The following CNTNAP2 variants were observed in gnomAD, a reference collection of about 807,000 sequenced individuals.
The protein encoded by CNTNAP2 is contactin-associated protein-like 2.
CNTNAP2 carries 98 observed loss-of-function variants against 155.2 expected under a neutral mutation model. That is an observed-to-expected ratio of 0.63 (90% CI 0.54 to 0.75). The LOEUF (loss-of-function observed/expected upper bound fraction) is 0.75. CNTNAP2 is among the 30% of genes least tolerant of loss of function. CNTNAP2 has a pLI of 0.00. For missense variants in CNTNAP2, 1,727 were observed against 1,688.1 expected (o/e 1.02, Z -0.40); for synonymous variants, 651 against 631.2 (o/e 1.03, Z -0.47).
At position 147,128,700 on chromosome 7, in the gene CNTNAP2, T is replaced by G. The variant is rs767425362; in HGVS notation, c.947T>G (p.Phe316Cys). 9 of 1,614,020 alleles carry G rather than the reference T, an allele frequency of 5.6e-6. 1 individual carries two copies. In the South Asian group the frequency reaches 9.9e-5, roughly 18 times the overall value. ...AATTTCTTTTTCTCAAAGATAACCT[T>G]TGGAGGCATCCCTTTCTCTGGCAAG... is the stretch of plus-strand genomic sequence containing the variant. ...DYLDLDYEITFGGIPFSGKPS... is the reference protein window; with the variant it reads ...DYLDLDYEITCGGIPFSGKPS... The change falls in exon 7 of 24, where the codon TTT (phenylalanine) becomes TGT (cysteine). Residue 316 changes from phenylalanine (F) to cysteine (C), a missense_variant. Physicochemically the swap from Phe to Cys is radical, Grantham distance 205 (BLOSUM62 -2). Coordinates refer to ENST00000361727, the MANE Select transcript of CNTNAP2 (RefSeq NM_014141.6).
At chr7:146,533,593 A>G (rs1339126695) in intron 1 of CNTNAP2, among the ~76,000 whole-genome samples, 2 of 152,150 alleles carry the variant, frequency 1.3e-5, no homozygotes, top group Admixed American at 1.3e-4. Context: ...GGAACATGAT[A>G]AGATTTGTGT....
intron 1 of CNTNAP2, among the ~76,000 whole-genome samples, chr7:146,728,972 G>T (rs59272587): frequency 6.6e-6 from 1 of 152,162 alleles, no homozygotes; most frequent in African/African-American, 2.4e-5. Context: ...CTGAGAGGTG[G>T]CTACTTGATA....
At chr7:146,532,270 A>G (rs924590502) in intron 1 of CNTNAP2, among the ~76,000 whole-genome samples, 2 of 152,134 alleles carry the variant, frequency 1.3e-5, no homozygotes, top group Non-Finnish European at 2.9e-5. Context: ...GTAGTATTCT[A>G]CAGAATATGC....
intron 1 of CNTNAP2, among the ~76,000 whole-genome samples, chr7:146,752,122 A>T: frequency 6.6e-6 from 1 of 152,136 alleles, no homozygotes; most frequent in East Asian, 1.9e-4. Flanking sequence ...ATGATTTATC[A>T]TCCTTTGGGT....
intron 1 of CNTNAP2, among the ~76,000 whole-genome samples, chr7:146,706,327 C>T (rs183835875): frequency 2.3e-3 from 350 of 152,116 alleles, no homozygotes; most frequent in Non-Finnish European, 3.9e-3. Flanking sequence ...CCCAATGAGA[C>T]AGTTAGGCAT....
At chr7:147,723,485 A>G (rs1476469102) in intron 13 of CNTNAP2, among the ~76,000 whole-genome samples, 2 of 152,040 alleles carry the variant, frequency 1.3e-5, no homozygotes, top group African/African-American at 4.8e-5. Flanking sequence ...TATTAAGTTC[A>G]TCTTCATCGG....
Position 147,189,205 on chromosome 7 carries a change from A to G in CNTNAP2, c.1348+56696A>G, listed in dbSNP as rs1285611603. 3.5e-4 allele frequency among the ~76,000 whole-genome samples: 54 copies of G among 152,228 alleles called. 1 individual carries two copies. Among genetic ancestry groups the G allele is most frequent in the Non-Finnish European group, 1.2e-4 (8 of 68,044 alleles). On this transcript the variant is annotated intron_variant, in intron 8 of 23. Transcript: ENST00000361727. ...TTAAGAATTAGAAAATCTAAAGGAC[A>G]AAATTTTATATTATAAAACTATACA...
chr7:146,864,081 G>T (rs545810536), intron 3 of CNTNAP2, among the ~76,000 whole-genome samples: 75 of 151,932 alleles, frequency 4.9e-4, no homozygotes, highest in Middle Eastern at 3.4e-3. Context: ...CTTTCTATAT[G>T]TATAATATCA....
intron 8 of CNTNAP2, among the ~76,000 whole-genome samples, chr7:147,187,414 T>C (rs1319324695): frequency 5.9e-5 from 9 of 152,072 alleles, no homozygotes; most frequent in Non-Finnish European, 1.0e-4. Context: ...ACAAATACCA[T>C]GGAATACTAG....
At chr7:146,316,769 T>G (rs1033371189) in intron 1 of CNTNAP2, among the ~76,000 whole-genome samples, 1 of 152,054 alleles carries the variant, frequency 6.6e-6, no homozygotes, top group African/African-American at 2.4e-5. Context: ...TTTTTTTTTT[T>G]TTTAATAAAA....
At chr7:148,219,029 G>A (rs956510570) in intron 19 of CNTNAP2, among the ~76,000 whole-genome samples, 2 of 127,080 alleles carry the variant, frequency 1.6e-5, no homozygotes, top group Non-Finnish European at 3.1e-5. Flanking sequence ...TGCAACCTCC[G>A]CCCCTCGAGT....
intron 9 of CNTNAP2, among the ~76,000 whole-genome samples, chr7:147,335,879 A>C (rs991315686): frequency 1.7e-5 from 1 of 58,564 alleles, no homozygotes; most frequent in African/African-American, 5.0e-5. Flanking sequence ...TGTGAAAAAA[A>C]ATAAAATTTA....
intron 12 of CNTNAP2, among the ~76,000 whole-genome samples, chr7:147,575,035 T>G (rs1291753648): frequency 6.6e-6 from 1 of 152,096 alleles, no homozygotes; most frequent in African/African-American, 2.4e-5. Context: ...AGTGAGCACA[T>G]ATTCATTTAC....
chr7:146,864,902 G>A (rs995345538), intron 3 of CNTNAP2, among the ~76,000 whole-genome samples: 1 of 148,446 alleles, frequency 6.7e-6, no homozygotes, highest in African/African-American at 2.5e-5. Context: ...AGAGGCTGAG[G>A]TAGGAAGCTC....
intron 14 of CNTNAP2, among the ~76,000 whole-genome samples, chr7:147,945,469 C>T (rs960940833): frequency 3.3e-5 from 5 of 152,044 alleles, no homozygotes; most frequent in African/African-American, 7.2e-5. Flanking sequence ...AGCAGGAAAG[C>T]GGTAAAGCAA....
intron 13 of CNTNAP2, among the ~76,000 whole-genome samples, chr7:147,889,424 A>T (rs1450211782): frequency 6.6e-6 from 1 of 152,136 alleles, no homozygotes. Context: ...TGAAAGAAAG[A>T]TGATAGAAAA....
intron 20 of CNTNAP2, 71 bp downstream of exon 20, chr7:148,229,850 A>G: frequency 6.3e-7 from 1 of 1,589,726 alleles, no homozygotes; most frequent in South Asian, 1.1e-5. Flanking sequence ...ATGCTTGGCC[A>G]TTGGTTTTGT....
At chr7:148,147,416 T>C in intron 16 of CNTNAP2, 75 bp from the exon 17 acceptor site, 1 of 1,423,082 alleles carries the variant, frequency 7.0e-7, no homozygotes, top group Non-Finnish European at 9.9e-7. Context: ...CTGCTTTGTT[T>C]GTCGTCTAGA....
rs537433827 is a variant in CNTNAP2, at chr7:148,202,758, C to T, written c.3011-14530C>T. Among the ~76,000 whole-genome samples the T allele has an allele frequency of 6.6e-5, 10 of 152,242 alleles. No homozygotes were observed. The East Asian group carries it at 1.9e-3, about 29-fold the overall frequency. On this transcript the variant is annotated intron_variant, in intron 18 of 23. Transcript: ENST00000361727. Reference sequence around the variant, plus strand: ...CAAATGCCCCCACGATGTTCATTTCCCCAGATAAATTACACACATCGTGTG... The same window carrying T: ...CAAATGCCCCCACGATGTTCATTTCTCCAGATAAATTACACACATCGTGTG...
Sources: allele counts gnomAD v4.1 joint callset (sites outside exome capture counted in the v4.1 genomes callset), GRCh38; gene constraint gnomAD v4.1.1; transcripts MANE v1.5; gene names NCBI Gene and HGNC (gene_info 2026-07-23, HGNC 2026-07-21).